The following RCC2 variants were observed in gnomAD, a reference collection of about 807,000 sequenced individuals.
RCC2 encodes the protein regulator of chromosome condensation 2.
A neutral mutation model predicts 64.1 loss-of-function variants in RCC2; 19 were observed. The observed-to-expected ratio is 0.30, with a 90% CI of 0.21 to 0.44. The LOEUF (loss-of-function observed/expected upper bound fraction) is 0.44. RCC2 is among the 20% of genes least tolerant of loss of function. The pLI, the probability that RCC2 is intolerant of heterozygous loss-of-function variation, is 1.00. For synonymous variants in RCC2, 325 were observed against 279.6 expected (o/e 1.16, Z -1.62); for missense variants, 508 against 710.4 (o/e 0.72, Z 3.24).
At chr1:17,427,751 C>T (rs1032547928) in intron 3 of RCC2, among the ~76,000 whole-genome samples, 2 of 151,942 alleles carry the variant, frequency 1.3e-5, no homozygotes, top group Admixed American at 6.6e-5. Context: ...CCCAGGATGC[C>T]ACTGGCTCCT....
chr1:17,433,578 A>G (rs967019001), intron 2 of RCC2, among the ~76,000 whole-genome samples: 1 of 152,218 alleles, frequency 6.6e-6, no homozygotes, highest in Non-Finnish European at 1.5e-5. Flanking sequence ...CACGCAGCAG[A>G]CAGCCTGGCA....
At chr1:17,416,128 C>T (rs942132935) in intron 8 of RCC2, among the ~76,000 whole-genome samples, 7 of 151,664 alleles carry the variant, frequency 4.6e-5, no homozygotes. Flanking sequence ...GACTCACATC[C>T]CCAGTATGGG....
intron 7 of RCC2, among the ~76,000 whole-genome samples, chr1:17,420,113 A>C (rs903935176): frequency 6.6e-6 from 1 of 152,180 alleles, no homozygotes; most frequent in Admixed American, 6.5e-5. Flanking sequence ...CACTTCAGGG[A>C]ACCGCACTTA....
intron 8 of RCC2, among the ~76,000 whole-genome samples, chr1:17,414,020 C>T (rs1377963751): frequency 2.0e-5 from 3 of 152,098 alleles, no homozygotes; most frequent in Non-Finnish European, 4.4e-5. Flanking sequence ...CTCTACCTCC[C>T]GCCTCCAGCA....
chr1:17,415,058 A>G (rs1461848927), intron 8 of RCC2, among the ~76,000 whole-genome samples: 1 of 152,230 alleles, frequency 6.6e-6, no homozygotes, highest in Non-Finnish European at 1.5e-5. Flanking sequence ...CTGACATGCC[A>G]ATTCAGTTCT....
At chr1:17,419,509 C>T (rs2100366672) in intron 7 of RCC2, among the ~76,000 whole-genome samples, 1 of 152,316 alleles carries the variant, frequency 6.6e-6, no homozygotes, top group Non-Finnish European at 1.5e-5. Context: ...CAAACACCTG[C>T]CTTAAAGCAA....
At chr1:17,423,035 C>T (rs1379186154) in intron 4 of RCC2, among the ~76,000 whole-genome samples, 199 bp from the exon 5 acceptor site, 1 of 152,192 alleles carries the variant, frequency 6.6e-6, no homozygotes, top group Non-Finnish European at 1.5e-5. Context: ...TGCAGCTCCC[C>T]GGACCTCCTT....
chr1:17,429,854 G>C (rs934501214), intron 2 of RCC2, among the ~76,000 whole-genome samples: 3 of 152,126 alleles, frequency 2.0e-5, no homozygotes. Context: ...ACCTCCCAGG[G>C]GCCCGGCTCT....
intron 6 of RCC2, among the ~76,000 whole-genome samples, chr1:17,421,463 C>G (rs2075555233): frequency 6.6e-6 from 1 of 150,936 alleles, no homozygotes; most frequent in Non-Finnish European, 1.5e-5. Context: ...CCACTGCACT[C>G]TAGCCTGGCA....
rs1176933456 is a variant in RCC2, at chr1:17,438,245, G to A, written c.270C>T (p.His90=). 1.5e-6 allele frequency: 2 copies of A among 1,327,468 alleles called. No individual in the cohort carries two copies. The highest frequency in any genetic ancestry group is 1.6e-5 in the African/African-American group (1 of 64,334). The allele number at this position is 1,327,468 out of a possible 1,614,324, so 82.2% of individuals were successfully genotyped here. The change falls in exon 2 of 13, where the codon CAC becomes CAT. Residue 90 remains histidine (H), a synonymous_variant. Transcript: ENST00000375436. ...GAAVVITEPE[H]TKERVKLEGS... ...CCTCACTCACGACGCGCTCCTTGGT[G>A]TGCTCGGGTTCGGTGATGACCACGG...
At chr1:17,416,428 AC>A (rs985635285) in intron 8 of RCC2, 51 bp downstream of exon 8, 2 of 1,555,202 alleles carry the variant, frequency 1.3e-6, no homozygotes, top group Non-Finnish European at 1.7e-6. Context: ...GAGCATAAAC[AC>A]CCCTTCCATC....
intron 11 of RCC2, among the ~76,000 whole-genome samples, chr1:17,411,140 G>A (rs2075420153): frequency 6.6e-6 from 1 of 152,138 alleles, no homozygotes; most frequent in Non-Finnish European, 1.5e-5. Context: ...GAGTGCAGGA[G>A]AGGGAGACAG....
At chr1:17,432,679 G>A (rs1341770109) in intron 2 of RCC2, among the ~76,000 whole-genome samples, 1 of 152,260 alleles carries the variant, frequency 6.6e-6, no homozygotes, top group Non-Finnish European at 1.5e-5. Context: ...CTTAACCGCA[G>A]TGGCCTTGGC....
rs574020395 is a variant in RCC2 at position 17,409,489 on chromosome 1, C to A, written c.1465-295G>T. Among the ~76,000 whole-genome samples the A allele has an allele frequency of 4.0e-3, 607 of 151,870 alleles. 6 individuals carry two copies. The highest frequency in any genetic ancestry group is 5.9e-3 in the Non-Finnish European group (398 of 67,900). On this transcript the variant is annotated intron_variant, in intron 12 of 12. Coordinates refer to ENST00000375436, the MANE Select transcript of RCC2 (RefSeq NM_018715.4). ...GACATGGCTCCAGCTCCACTTCCAT[C>A]CCCCCCCTCTCTGGCTCACAATCCT...
Position 17,438,241 on chromosome 1 carries a change from T to G in RCC2, c.274A>C (p.Lys92Gln). 1 of 1,317,800 alleles carries G rather than the reference T, an allele frequency of 7.6e-7. No individual in the cohort carries two copies. The highest frequency in any genetic ancestry group is 9.9e-7 in the Non-Finnish European group (1 of 1,014,940). 81.6% of individuals were successfully genotyped at this position (1,317,800 alleles called of 1,614,324 possible). ...AVVITEPEHTKERVKLEGSKC... is the reference protein window; with the variant it reads ...AVVITEPEHTQERVKLEGSKC... ...TGACCCTCACTCACGACGCGCTCCT[T>G]GGTGTGCTCGGGTTCGGTGATGACC... Residue 92 changes from lysine (K) to glutamine (Q), a missense_variant, in exon 2 of 13, where the codon AAG (lysine) becomes CAG (glutamine). Lys to Gln is a moderately conservative substitution (Grantham distance 53, BLOSUM62 1). Around this residue, in one of 4 missense-constraint regions of RCC2, gnomAD observed 195 missense variants for 158.3 expected, o/e 1.23. Transcript: ENST00000375436.
chr1:17,415,790 C>T (rs984516228), intron 8 of RCC2, among the ~76,000 whole-genome samples: 2 of 151,460 alleles, frequency 1.3e-5, no homozygotes, highest in African/African-American at 2.4e-5. Flanking sequence ...CAACCTAGGC[C>T]AGGCGTGGTG....
At chr1:17,422,342 G>T in intron 5 of RCC2, 51 bp from the exon 6 acceptor site, 2 of 1,482,216 alleles carry the variant, frequency 1.3e-6, no homozygotes, top group South Asian at 1.2e-5. Context: ...TGAATGTTTT[G>T]AACTAGATTT....
At chr1:17,409,268 C>T (rs1389613167) in intron 12 of RCC2, 74 bp from the exon 13 acceptor site, 1 of 975,638 alleles carries the variant, frequency 1.0e-6, no homozygotes, top group South Asian at 1.3e-5. Context: ...ACTCTGGAAA[C>T]TGGGCTGCTA....
intron 2 of RCC2, among the ~76,000 whole-genome samples, chr1:17,433,021 TACAC>T (rs543984379): frequency 5.9e-5 from 9 of 151,498 alleles, no homozygotes; most frequent in African/African-American, 1.5e-4. Flanking sequence ...CACATATATA[TACAC>T]ACACACACAC....
Sources: allele counts gnomAD v4.1 joint callset (sites outside exome capture counted in the v4.1 genomes callset), GRCh38; gene constraint gnomAD v4.1.1; regional missense constraint gnomAD v4.1.1; transcripts MANE v1.5; gene names NCBI Gene and HGNC (gene_info 2026-07-23, HGNC 2026-07-21).